Variants in FOXN3 observed in about 807,000 individuals in gnomAD.
FOXN3 encodes the protein forkhead box protein N3.
Under a neutral mutation model 38.4 loss-of-function variants are expected in FOXN3, and 7 were observed. The observed-to-expected ratio is 0.18, with a 90% CI of 0.10 to 0.34. The LOEUF (loss-of-function observed/expected upper bound fraction) is 0.34. FOXN3 is among the 10% of genes least tolerant of loss of function. The pLI, the probability that FOXN3 is intolerant of heterozygous loss-of-function variation, is 1.00. For missense variants in FOXN3, 456 were observed against 613.4 expected (o/e 0.74, Z 2.71); for synonymous variants, 230 against 242.2 (o/e 0.95, Z 0.47).
intron 4 of FOXN3, among the ~76,000 whole-genome samples, chr14:89,236,431 G>A (rs937263710): frequency 6.6e-6 from 1 of 152,100 alleles, no homozygotes; most frequent in Non-Finnish European, 1.5e-5. Flanking sequence ...AGGAGAATGG[G>A]GTGAACCCGG....
At chr14:89,461,041 G>T (rs72703662) in intron 1 of FOXN3, among the ~76,000 whole-genome samples, 9,113 of 137,562 alleles carry the variant, frequency 0.066, 411 homozygotes, top group East Asian at 0.17. Flanking sequence ...AAAAAAAAGG[G>T]GGGGGGAGGG....
chr14:89,601,919 T>C (rs1017502570), intron 1 of FOXN3, among the ~76,000 whole-genome samples: 9 of 152,154 alleles, frequency 5.9e-5, no homozygotes, highest in Non-Finnish European at 1.0e-4. Flanking sequence ...ACAATCCAGA[T>C]GGAGCAGAAA....
chr14:89,553,813 C>T (rs910027732), intron 1 of FOXN3, among the ~76,000 whole-genome samples: 48 of 152,056 alleles, frequency 3.2e-4, no homozygotes, highest in Non-Finnish European at 6.6e-4. Flanking sequence ...TTCATCAGAA[C>T]GGTGAAAATA....
At chr14:89,264,364 C>A (rs1463206431) in intron 4 of FOXN3, among the ~76,000 whole-genome samples, 3 of 152,236 alleles carry the variant, frequency 2.0e-5, no homozygotes, top group African/African-American at 7.2e-5. Context: ...AAGGGGAAAA[C>A]CCTTATAAAA....
At chr14:89,249,830 G>A (rs765334578) in intron 4 of FOXN3, among the ~76,000 whole-genome samples, 27 of 152,138 alleles carry the variant, frequency 1.8e-4, no homozygotes, top group Non-Finnish European at 3.2e-4. Flanking sequence ...CATCTGTTTC[G>A]CATGGCTTGA....
intron 3 of FOXN3, among the ~76,000 whole-genome samples, chr14:89,301,213 A>G (rs1887208228): frequency 2.6e-5 from 4 of 152,114 alleles, no homozygotes; most frequent in Admixed American, 2.6e-4. Flanking sequence ...AGACATGCCT[A>G]TAATCCTACC....
chr14:89,321,791 C>T (rs1484842137), intron 3 of FOXN3, among the ~76,000 whole-genome samples: 1 of 146,344 alleles, frequency 6.8e-6, no homozygotes, highest in Non-Finnish European at 1.5e-5. Flanking sequence ...TTTCTTCTTT[C>T]CTTTTTTTTT....
intron 3 of FOXN3, among the ~76,000 whole-genome samples, chr14:89,295,432 G>A (rs960373414): frequency 6.6e-6 from 1 of 152,176 alleles, no homozygotes; most frequent in African/African-American, 2.4e-5. Context: ...GACGTCACGT[G>A]AGCAGAGGCT....
At chr14:89,569,667 GAAT>G (rs1895449707) in intron 1 of FOXN3, among the ~76,000 whole-genome samples, 1 of 152,196 alleles carries the variant, frequency 6.6e-6, no homozygotes. Context: ...AGGCAATGGA[GAAT>G]AATAGTTAAA....
chr14:89,328,894 G>A (rs897061577), intron 3 of FOXN3, among the ~76,000 whole-genome samples: 1 of 152,102 alleles, frequency 6.6e-6, no homozygotes, highest in African/African-American at 2.4e-5. Flanking sequence ...TATAAGACGT[G>A]CAATGAAATA....
intron 1 of FOXN3, among the ~76,000 whole-genome samples, chr14:89,545,819 C>T (rs1894871473): frequency 6.6e-6 from 1 of 152,124 alleles, no homozygotes; most frequent in Non-Finnish European, 1.5e-5. Context: ...TTCACAAACG[C>T]CACCCCAGAA....
chr14:89,587,409 A>G (rs1341337180), intron 1 of FOXN3, among the ~76,000 whole-genome samples: 1 of 152,246 alleles, frequency 6.6e-6, no homozygotes, highest in African/African-American at 2.4e-5. Flanking sequence ...AAATGCCCAC[A>G]GGAGCCAGGC....
chr14:89,194,464 A>C (rs1365008899), intron 4 of FOXN3, among the ~76,000 whole-genome samples: 1 of 152,110 alleles, frequency 6.6e-6, no homozygotes, highest in African/African-American at 2.4e-5. Context: ...TCCTGGGTTG[A>C]ACACCAAGCA....
intron 3 of FOXN3, chr14:89,349,798 AAAG>A (rs1196193595): frequency 6.6e-6 from 1 of 152,248 alleles, no homozygotes; most frequent in African/African-American, 2.4e-5. Flanking sequence ...AAGAATCTGC[AAAG>A]AAGTGGACTG....
intron 4 of FOXN3, among the ~76,000 whole-genome samples, chr14:89,252,009 T>C (rs1034761970): frequency 6.6e-6 from 1 of 152,252 alleles, no homozygotes; most frequent in Non-Finnish European, 1.5e-5. Context: ...GGGATAGTTC[T>C]TTGGAAGAAC....
intron 1 of FOXN3, among the ~76,000 whole-genome samples, chr14:89,594,006 T>C (rs1301362896): frequency 1.3e-5 from 2 of 152,270 alleles, no homozygotes; most frequent in African/African-American, 2.4e-5. Flanking sequence ...ATGAGACTCA[T>C]CCAGGTTGTG....
chr14:89,225,084 G>T (rs1884589776), intron 4 of FOXN3, among the ~76,000 whole-genome samples: 1 of 148,914 alleles, frequency 6.7e-6, no homozygotes, highest in Non-Finnish European at 1.5e-5. Context: ...AGCCGAGATT[G>T]TGCCACTGCA....
chr14:89,461,420 G>A (rs1467418346), intron 1 of FOXN3, among the ~76,000 whole-genome samples: 1 of 151,984 alleles, frequency 6.6e-6, no homozygotes, highest in Non-Finnish European at 1.5e-5. Flanking sequence ...TACGCACCAG[G>A]AGAAGAGGGA....
At chr14:89,241,442 C>T (rs1040237973) in intron 4 of FOXN3, among the ~76,000 whole-genome samples, 1 of 152,164 alleles carries the variant, frequency 6.6e-6, no homozygotes, top group African/African-American at 2.4e-5. Flanking sequence ...CTGAATGAGA[C>T]AGACACACGT....
Sources: allele counts gnomAD v4.1 joint callset (sites outside exome capture counted in the v4.1 genomes callset), GRCh38; gene constraint gnomAD v4.1.1; transcripts MANE v1.5; gene names NCBI Gene and HGNC (gene_info 2026-07-23, HGNC 2026-07-21).